The following AKAP6 variants were observed in gnomAD, a reference collection of about 807,000 sequenced individuals.
AKAP6 encodes the protein A-kinase anchor protein 6.
In AKAP6, 58 loss-of-function variants were observed where a neutral mutation model predicts 188.5. The observed-to-expected ratio is 0.31, with a 90% confidence interval of 0.25 to 0.38. The LOEUF (loss-of-function observed/expected upper bound fraction) is 0.38, where lower values mean the gene tolerates loss of function less well. Ranked by LOEUF, AKAP6 falls within the 10% of genes least tolerant of loss-of-function variation. AKAP6 has a pLI of 1.00. For missense variants in AKAP6, 2,710 were observed against 2,740.0 expected (o/e 0.99, Z 0.24); for synonymous variants, 989 against 998.6 (o/e 0.99, Z 0.18).
At chr14:32,778,314 C>A (rs2033130715) in intron 12 of AKAP6, among the ~76,000 whole-genome samples, 1 of 152,048 alleles carries the variant, frequency 6.6e-6, no homozygotes, top group Non-Finnish European at 1.5e-5. Context: ...TTATTTAAAT[C>A]TCTTTAAGTG....
chr14:32,374,097 T>C (rs1257568089), intron 1 of AKAP6, among the ~76,000 whole-genome samples: 3 of 152,214 alleles, frequency 2.0e-5, no homozygotes, highest in African/African-American at 7.2e-5. Context: ...AGGAATAGCA[T>C]ACTTCTTAGT....
intron 2 of AKAP6, among the ~76,000 whole-genome samples, chr14:32,461,244 C>T (rs1891312069): frequency 6.6e-6 from 1 of 152,346 alleles, no homozygotes; most frequent in East Asian, 1.9e-4. Context: ...CAGACTGCCT[C>T]CTCATGTTGG....
At chr14:32,541,370 T>C (rs1461927458) in intron 3 of AKAP6, among the ~76,000 whole-genome samples, 1 of 151,756 alleles carries the variant, frequency 6.6e-6, no homozygotes, top group East Asian at 1.9e-4. Flanking sequence ...TCATGTAACA[T>C]CACTGATTGA....
At chr14:32,821,300 G>A (rs2034512059) in intron 12 of AKAP6, 102 bp from the exon 13 acceptor site, 3 of 1,282,382 alleles carry the variant, frequency 2.3e-6, no homozygotes, top group African/African-American at 3.0e-5. Flanking sequence ...CATGCTTGGG[G>A]CAGTTTTCTT....
At chr14:32,461,752 G>T (rs1470044985) in intron 2 of AKAP6, among the ~76,000 whole-genome samples, 1 of 152,034 alleles carries the variant, frequency 6.6e-6, no homozygotes, top group East Asian at 1.9e-4. Flanking sequence ...ACAGAAGTAG[G>T]CTTCAGAAGG....
intron 2 of AKAP6, among the ~76,000 whole-genome samples, chr14:32,457,198 T>C (rs538875478): frequency 1.3e-5 from 2 of 152,328 alleles, no homozygotes; most frequent in Non-Finnish European, 2.9e-5. Flanking sequence ...AAGACAAGGC[T>C]GGACTACTAC....
intron 7 of AKAP6, among the ~76,000 whole-genome samples, chr14:32,662,426 G>A (rs993675012): frequency 1.3e-5 from 2 of 152,060 alleles, no homozygotes; most frequent in South Asian, 2.1e-4. Context: ...TGAGGTCCTA[G>A]CAGTTGTTAA....
chr14:32,777,244 A>G (rs1251464562), intron 12 of AKAP6, among the ~76,000 whole-genome samples: 2 of 152,180 alleles, frequency 1.3e-5, no homozygotes, highest in African/African-American at 4.8e-5. Context: ...GAATACAAAT[A>G]CCCAACATAC....
chr14:32,729,553 T>A (rs1246183158), intron 9 of AKAP6, among the ~76,000 whole-genome samples: 1 of 152,184 alleles, frequency 6.6e-6, no homozygotes, highest in African/African-American at 2.4e-5. Flanking sequence ...TGTATTTATA[T>A]ACACAGGGAT....
chr14:32,690,536 T>G (rs1207374284), intron 8 of AKAP6, among the ~76,000 whole-genome samples: 1 of 152,196 alleles, frequency 6.6e-6, no homozygotes, highest in East Asian at 1.9e-4. Flanking sequence ...AGTATTTTTT[T>G]ATTTATAAAA....
intron 1 of AKAP6, among the ~76,000 whole-genome samples, chr14:32,360,712 A>AGTGTGTGTGTGT (rs35969035): frequency 4.3e-4 from 59 of 136,120 alleles, no homozygotes; most frequent in African/African-American, 8.1e-4. Flanking sequence ...TTGGCCATTG[A>AGTGTGTGTGTGT]GTGTGTGTGT....
chr14:32,600,865 C>A (rs1462377035), intron 7 of AKAP6, 73 bp downstream of exon 7: 2 of 1,416,378 alleles, frequency 1.4e-6, no homozygotes, highest in Non-Finnish European at 1.9e-6. Context: ...CTGAAGTTTT[C>A]TTTCCAACCC....
intron 7 of AKAP6, among the ~76,000 whole-genome samples, chr14:32,650,200 C>G (rs1459995585): frequency 6.6e-6 from 1 of 152,136 alleles, no homozygotes; most frequent in African/African-American, 2.4e-5. Context: ...ATGAGGATAT[C>G]CAGTTTTAAC....
intron 1 of AKAP6, among the ~76,000 whole-genome samples, chr14:32,368,706 G>T (rs1887912777): frequency 1.3e-5 from 2 of 152,188 alleles, no homozygotes; most frequent in South Asian, 2.1e-4. Context: ...GGTAGGCAGT[G>T]CCCAAACCGT....
chr14:32,698,552 T>C (rs1034846258), intron 9 of AKAP6, among the ~76,000 whole-genome samples: 1 of 152,134 alleles, frequency 6.6e-6, no homozygotes, highest in African/African-American at 2.4e-5. Context: ...TTTTTTAGTT[T>C]GTGGGCCTGT....
intron 1 of AKAP6, among the ~76,000 whole-genome samples, chr14:32,351,775 ATATATACATACAC>A (rs1887281050): frequency 6.6e-6 from 1 of 152,136 alleles, no homozygotes; most frequent in Non-Finnish European, 1.5e-5. Context: ...GTATATGTTT[ATATATACATACAC>A]AATTATATCT....
At chr14:32,573,742 A>G (rs1430835862) in intron 4 of AKAP6, among the ~76,000 whole-genome samples, 1 of 152,102 alleles carries the variant, frequency 6.6e-6, no homozygotes, top group East Asian at 1.9e-4. Context: ...TTTTTTTTCC[A>G]TTTTCGTATG....
intron 11 of AKAP6, among the ~76,000 whole-genome samples, chr14:32,746,107 T>A (rs971874850): frequency 6.6e-6 from 1 of 152,150 alleles, no homozygotes; most frequent in African/African-American, 2.4e-5. Context: ...AAATGCCATC[T>A]AAGAGTCAAG....
intron 8 of AKAP6, among the ~76,000 whole-genome samples, chr14:32,683,055 G>A (rs190053391): frequency 2.6e-4 from 39 of 147,792 alleles, no homozygotes; most frequent in African/African-American, 7.1e-4. Flanking sequence ...GTGCAGTGGC[G>A]TGATCTTGGC....
Sources: gnomAD v4.1 joint callset for allele counts (sites outside exome capture counted in the v4.1 genomes callset) on GRCh38, gnomAD v4.1.1 for gene constraint, MANE v1.5 for transcripts, NCBI Gene and HGNC (gene_info 2026-07-23, HGNC 2026-07-21) for gene names.